NRG2: variants seen among roughly 807,000 people sequenced by gnomAD.
NRG2 encodes neuregulin 2, also known as pro-neuregulin-2, membrane-bound isoform.
NRG2 carries 27 observed loss-of-function variants against 73.9 expected under a neutral mutation model. That is an observed-to-expected ratio of 0.37 (90% CI 0.27 to 0.50). The LOEUF (loss-of-function observed/expected upper bound fraction) is 0.50, where lower values mean the gene tolerates loss of function less well. Among genes scored for constraint, NRG2 ranks in the 20% least tolerant of loss-of-function variants. The pLI, the probability that NRG2 is intolerant of heterozygous loss-of-function variation, is 0.96. For missense variants in NRG2, 1,126 were observed against 1,210.1 expected (o/e 0.93, Z 1.03); for synonymous variants, 532 against 541.0 (o/e 0.98, Z 0.23).
intron 1 of NRG2, among the ~76,000 whole-genome samples, chr5:139,912,062 G>A (rs1293051195): frequency 6.6e-6 from 1 of 152,132 alleles, no homozygotes; most frequent in Non-Finnish European, 1.5e-5. Context: ...CCTAGCAGAG[G>A]TAATGAGTGG....
In NRG2 at chr5:139,880,941, C is replaced by G; in HGVS notation, c.906G>C (p.Lys302Asn). 1 of 1,614,210 alleles carries G rather than the reference C, an allele frequency of 6.2e-7. No individual in the cohort carries two copies. The highest frequency in any genetic ancestry group is 1.1e-5 in the South Asian group (1 of 91,082). ...AGACATACTCCCCAGCGTCCTCCAC[C>G]TTCACCTTGTTGAACTGTAGTCGTG... is the stretch of plus-strand genomic sequence containing the variant. ...KNSRLQFNKVKVEDAGEYVCE... is the reference protein window; with the variant it reads ...KNSRLQFNKVNVEDAGEYVCE... Residue 302 changes from lysine to asparagine, a missense_variant, in exon 3 of 10, where the codon AAG (lysine) becomes AAC (asparagine). Around this residue, in one of 3 missense-constraint regions of NRG2, gnomAD observed 539 missense variants for 703.2 expected, o/e 0.77. Coordinates refer to ENST00000361474, the MANE Select transcript of NRG2 (RefSeq NM_004883.3).
At chr5:140,012,728 C>G (rs1026602551) in intron 1 of NRG2, among the ~76,000 whole-genome samples, 1 of 152,316 alleles carries the variant, frequency 6.6e-6, no homozygotes, top group Non-Finnish European at 1.5e-5. Context: ...GATACTACCA[C>G]CTTTTTACTG....
rs763694723 is a variant in NRG2 at position 139,868,134 on chromosome 5, G to C, written c.1113-2509C>G. ...AAAGGCACTGGGGAGGGGCACAGTG[G>C]GGGTGGTGGAAGGCTGACAGCTACT... On this transcript the variant is annotated intron_variant, in intron 4 of 9. Transcript: ENST00000361474. The surrounding 1 kb of genome is among the most constrained non-coding windows in gnomAD (Gnocchi z 4.2). Among the ~76,000 whole-genome samples the C allele has an allele frequency of 1.8e-3, 270 of 152,252 alleles. 2 individuals carry two copies. Among genetic ancestry groups the C allele is most frequent in the Non-Finnish European group, 2.9e-3 (194 of 68,012 alleles).
chr5:139,960,531 A>C lies in NRG2; in HGVS notation c.701-73020T>G, dbSNP rs116754946. Among the ~76,000 whole-genome samples the C allele has an allele frequency of 3.8e-3, 584 of 152,102 alleles. 3 individuals are homozygous for C. The highest frequency in any genetic ancestry group is 0.013 in the African/African-American group (550 of 41,496). ...CCATCTCAAAAAACAAACAAACAAAAAAAATTATGGCATCAGACTTTTGGG... is the reference window on the plus strand; with the variant it reads ...CCATCTCAAAAAACAAACAAACAAACAAAATTATGGCATCAGACTTTTGGG... On this transcript the variant is annotated intron_variant, in intron 1 of 9. Coordinates refer to ENST00000361474, the MANE Select transcript of NRG2 (RefSeq NM_004883.3).
intron 1 of NRG2, among the ~76,000 whole-genome samples, chr5:139,890,940 T>C (rs1290177052): frequency 4.6e-5 from 7 of 152,206 alleles, no homozygotes; most frequent in Non-Finnish European, 1.5e-5. Flanking sequence ...AACCTCTTGG[T>C]CAAGTGATGA....
intron 1 of NRG2, among the ~76,000 whole-genome samples, chr5:139,938,773 G>C (rs1753042238): frequency 6.6e-6 from 1 of 150,654 alleles, no homozygotes; most frequent in Non-Finnish European, 1.5e-5. Flanking sequence ...GGCAATTCAA[G>C]GGGATTCTTG....
chr5:139,906,186 T>G (rs1452889560), intron 1 of NRG2, among the ~76,000 whole-genome samples: 2 of 152,102 alleles, frequency 1.3e-5, no homozygotes, highest in African/African-American at 4.8e-5. Context: ...TTTTGTATTT[T>G]TAGTAGAGAC....
intron 1 of NRG2, among the ~76,000 whole-genome samples, chr5:140,004,731 C>A (rs1366734041): frequency 2.0e-5 from 3 of 152,114 alleles, no homozygotes; most frequent in Non-Finnish European, 2.9e-5. Flanking sequence ...TGACTATATG[C>A]AACGTGGGAT....
intron 1 of NRG2, among the ~76,000 whole-genome samples, chr5:140,036,650 G>T (rs968940967): frequency 6.6e-6 from 1 of 152,140 alleles, no homozygotes; most frequent in Admixed American, 6.5e-5. Context: ...ATTCGAAAAA[G>T]TAAGTGGGAG....
chr5:139,900,071 T>C (rs1764778453), intron 1 of NRG2, among the ~76,000 whole-genome samples: 1 of 152,190 alleles, frequency 6.6e-6, no homozygotes, highest in Non-Finnish European at 1.5e-5. Context: ...TGTTTCTACT[T>C]CTAAGAAGTC....
At chr5:139,910,502 C>T (rs982407898) in intron 1 of NRG2, among the ~76,000 whole-genome samples, 1 of 152,132 alleles carries the variant, frequency 6.6e-6, no homozygotes. Context: ...CCCTTCAAAA[C>T]AAAAACAAAC....
chr5:139,925,717 C>T (rs761997059), intron 1 of NRG2, among the ~76,000 whole-genome samples: 4 of 152,238 alleles, frequency 2.6e-5, no homozygotes, highest in Non-Finnish European at 5.9e-5. Context: ...GATGTACAAC[C>T]GTGCTGGCAG....
intron 1 of NRG2, among the ~76,000 whole-genome samples, chr5:139,964,190 G>A (rs1755298817): frequency 6.6e-6 from 1 of 152,150 alleles, no homozygotes; most frequent in Non-Finnish European, 1.5e-5. Flanking sequence ...GAATTGATGG[G>A]AAGAAAAGCA....
chr5:139,968,975 A>C (rs550733832), intron 1 of NRG2, among the ~76,000 whole-genome samples: 1 of 152,368 alleles, frequency 6.6e-6, no homozygotes, highest in South Asian at 2.1e-4. Context: ...GCGTTCAGGC[A>C]GGTAATGCCC....
chr5:139,859,388 T>C (rs1761999261), intron 5 of NRG2, among the ~76,000 whole-genome samples: 1 of 152,130 alleles, frequency 6.6e-6, no homozygotes, highest in Non-Finnish European at 1.5e-5. Flanking sequence ...TATCAGCTGC[T>C]GGCCTGGTGC....
At chr5:139,906,913 G>A (rs1289035911) in intron 1 of NRG2, among the ~76,000 whole-genome samples, 1 of 152,210 alleles carries the variant, frequency 6.6e-6, no homozygotes, top group African/African-American at 2.4e-5. Flanking sequence ...CCTGGCAGAA[G>A]TATCAGCACA....
At chr5:139,861,622 T>A in intron 5 of NRG2, 1 of 449,094 alleles carries the variant, frequency 2.2e-6, no homozygotes, top group Non-Finnish European at 4.5e-6. Context: ...GACCTTGACG[T>A]TTTGGTTTCT....
chr5:139,889,157 G>A (rs1484069553), intron 1 of NRG2, among the ~76,000 whole-genome samples: 1 of 152,124 alleles, frequency 6.6e-6, no homozygotes, highest in African/African-American at 2.4e-5. Flanking sequence ...AGTTAAAGAA[G>A]TATCTATCAA....
intron 1 of NRG2, among the ~76,000 whole-genome samples, chr5:140,021,211 A>T (rs186458331): frequency 5.9e-5 from 9 of 152,362 alleles, no homozygotes; most frequent in Admixed American, 3.9e-4. Flanking sequence ...TATTGTTAAC[A>T]AAACAGGCTC....
Sources: gnomAD v4.1 joint callset for allele counts (sites outside exome capture counted in the v4.1 genomes callset) on GRCh38, gnomAD v4.1.1 for gene constraint, gnomAD v4.1.1 regional missense constraint, Gnocchi (gnomAD v3.1) non-coding constraint, MANE v1.5 for transcripts, NCBI Gene and HGNC (gene_info 2026-07-23, HGNC 2026-07-21) for gene names.